Variants in TRHDE observed in about 807,000 individuals in gnomAD.
The protein encoded by TRHDE is thyrotropin releasing hormone degrading enzyme, also known as thyrotropin-releasing hormone-degrading ectoenzyme.
Under a neutral mutation model 125.7 loss-of-function variants are expected in TRHDE, and 72 were observed. The ratio of observed to expected loss-of-function variants is 0.57; its 90% CI spans 0.47 to 0.70. The LOEUF is 0.70. Ranked by LOEUF, TRHDE falls within the 30% of genes least tolerant of loss-of-function variation. TRHDE has a pLI of 0.00. For missense variants in TRHDE, 1,110 were observed against 1,327.1 expected (o/e 0.84, Z 2.54); for synonymous variants, 509 against 509.1 (o/e 1.00, Z 0.00).
intron 12 of TRHDE, among the ~76,000 whole-genome samples, chr12:72,610,362 G>C (rs781098921): frequency 3.3e-5 from 5 of 152,104 alleles, no homozygotes; most frequent in Non-Finnish European, 7.3e-5. Flanking sequence ...TCTCATGTAA[G>C]CATAGTCCGT....
At position 72,663,074 on chromosome 12, in the gene TRHDE, A is replaced by G. The variant is rs1874978687; in HGVS notation, c.3089A>G (p.Tyr1030Cys). 2 of 1,611,794 alleles carry G rather than the reference A, an allele frequency of 1.2e-6. No individual in the cohort carries two copies. The highest frequency in any genetic ancestry group is 1.1e-5 in the South Asian group (1 of 90,592). The change falls in exon 19 of 19, where the codon TAT becomes TGT. Residue 1030 changes from tyrosine to cysteine, a missense_variant. By Grantham distance (194) the Tyr-to-Cys change is radical (BLOSUM62 -2). Coordinates refer to ENST00000261180, the MANE Select transcript of TRHDE (RefSeq NM_013381.3). ...LKELKNFMKN[Y>C]DGVAAASFSR... ...CAGCTCAAGAACTTCATGAAAAACT[A>G]TGATGGGGTAGCTGCTGCTTCTTTC... is the stretch of plus-strand genomic sequence containing the variant.
At chr12:72,124,807 G>A (rs955145763) in intron 2 of TRHDE, among the ~76,000 whole-genome samples, 4 of 152,166 alleles carry the variant, frequency 2.6e-5, no homozygotes, top group Non-Finnish European at 5.9e-5. Flanking sequence ...TTTTTGTGAA[G>A]CTGAGGTTGG....
intron 15 of TRHDE, among the ~76,000 whole-genome samples, chr12:72,623,736 C>T (rs1200704048): frequency 6.6e-6 from 1 of 151,960 alleles, no homozygotes. Flanking sequence ...GGACTGAAGG[C>T]AGTGGTAGGT....
At chr12:72,108,035 T>C (rs1875229298) in intron 2 of TRHDE, among the ~76,000 whole-genome samples, 4 of 152,052 alleles carry the variant, frequency 2.6e-5, no homozygotes, top group Non-Finnish European at 1.5e-5. Context: ...ATTTCAAATA[T>C]AAAAATTATG....
At chr12:72,511,759 G>A (rs1300055223) in intron 6 of TRHDE, among the ~76,000 whole-genome samples, 1 of 151,934 alleles carries the variant, frequency 6.6e-6, no homozygotes, top group Non-Finnish European at 1.5e-5. Context: ...TTTCCTGTGC[G>A]AACCTTAACA....
At chr12:72,636,851 A>C (rs1385582240) in intron 15 of TRHDE, among the ~76,000 whole-genome samples, 3 of 152,042 alleles carry the variant, frequency 2.0e-5, no homozygotes, top group Non-Finnish European at 2.9e-5. Flanking sequence ...CCAGGGATGA[A>C]GCCCACTTGA....
intron 6 of TRHDE, among the ~76,000 whole-genome samples, chr12:72,526,736 C>T (rs1868345088): frequency 6.6e-6 from 1 of 151,994 alleles, no homozygotes; most frequent in East Asian, 1.9e-4. Flanking sequence ...TGTGTCTGCA[C>T]AAGGATATCT....
At chr12:72,590,411 T>C (rs1383140854) in intron 12 of TRHDE, among the ~76,000 whole-genome samples, 1 of 152,074 alleles carries the variant, frequency 6.6e-6, no homozygotes, top group East Asian at 1.9e-4. Flanking sequence ...TTGACTAGTA[T>C]TATAAACTGA....
At chr12:72,286,978 G>A (rs771066966) in intron 2 of TRHDE, 24 bp downstream of exon 2, 3 of 1,608,296 alleles carry the variant, frequency 1.9e-6, no homozygotes, top group South Asian at 1.1e-5. Context: ...GCTTAATGAT[G>A]TTTTTGGATA....
intron 2 of TRHDE, among the ~76,000 whole-genome samples, chr12:72,238,370 CAT>C (rs1287316164): frequency 2.2e-4 from 14 of 63,546 alleles, no homozygotes; most frequent in East Asian, 1.6e-3. Flanking sequence ...TATACACATA[CAT>C]ATATATATAT....
intron 2 of TRHDE, chr12:72,167,490 C>T (rs1474486526): frequency 6.6e-6 from 1 of 152,156 alleles, no homozygotes; most frequent in African/African-American, 2.4e-5. Flanking sequence ...AGATTATTTG[C>T]AGTATCCCAC....
In TRHDE at chr12:72,468,368, T is replaced by C. The variant is rs2166140; in HGVS notation, c.1316-1390T>C. The stretch of plus-strand genomic sequence containing the variant: ...GATTGCTGTGTAATATTCCTTTATA[T>C]ACATATTTCTCAGTTTCTTTGTCCT... On this transcript the variant is annotated intron_variant, in intron 3 of 18. Transcript: ENST00000261180. 5.5e-3 allele frequency among the ~76,000 whole-genome samples: 843 copies of C among 152,356 alleles called. 7 individuals carry two copies. The highest frequency in any genetic ancestry group is 9.3e-3 in the South Asian group (45 of 4,832).
intron 15 of TRHDE, among the ~76,000 whole-genome samples, chr12:72,644,464 C>T (rs1001194005): frequency 1.3e-5 from 2 of 152,090 alleles, no homozygotes; most frequent in African/African-American, 2.4e-5. Flanking sequence ...TCCCCTTGGT[C>T]AGCACAGAGT....
At chr12:72,389,283 AATACCAAGGAG>A (rs1415632130) in intron 3 of TRHDE, among the ~76,000 whole-genome samples, 1 of 152,132 alleles carries the variant, frequency 6.6e-6, no homozygotes, top group Non-Finnish European at 1.5e-5. Context: ...CTTGTGGAGT[AATACCAAGGAG>A]ATCAGTGTCC....
At chr12:72,261,546 G>A (rs1878950698) in intron 2 of TRHDE, among the ~76,000 whole-genome samples, 1 of 152,126 alleles carries the variant, frequency 6.6e-6, no homozygotes, top group African/African-American at 2.4e-5. Flanking sequence ...ATGGAATTTG[G>A]CTCCTTTCCC....
intron 3 of TRHDE, among the ~76,000 whole-genome samples, chr12:72,459,109 C>T (rs979968660): frequency 1.3e-5 from 2 of 152,154 alleles, no homozygotes; most frequent in Admixed American, 1.3e-4. Context: ...CTCCTCAGCT[C>T]ATGGTCCCCT....
At chr12:72,415,762 T>A (rs1212044533) in intron 3 of TRHDE, among the ~76,000 whole-genome samples, 1 of 152,138 alleles carries the variant, frequency 6.6e-6, no homozygotes, top group African/African-American at 2.4e-5. Context: ...TGTATATGTA[T>A]CACATTTTCT....
intron 2 of TRHDE, chr12:72,163,094 T>A (rs1702854446): frequency 6.6e-6 from 1 of 152,158 alleles, no homozygotes; most frequent in Admixed American, 6.5e-5. Flanking sequence ...ATGCTGCAGT[T>A]TGTTGAATTA....
chr12:72,251,358 T>C (rs1243279525), intron 2 of TRHDE, among the ~76,000 whole-genome samples: 2 of 151,832 alleles, frequency 1.3e-5, no homozygotes, highest in African/African-American at 4.8e-5. Context: ...ACTTCTGTAA[T>C]TTTATCATTT....
Sources: gnomAD v4.1 joint callset for allele counts (sites outside exome capture counted in the v4.1 genomes callset) on GRCh38, gnomAD v4.1.1 for gene constraint, MANE v1.5 for transcripts, NCBI Gene and HGNC (gene_info 2026-07-23, HGNC 2026-07-21) for gene names.